TTC6: variants seen among roughly 807,000 people sequenced by gnomAD.
TTC6 encodes tetratricopeptide repeat domain 6.
A neutral mutation model predicts 210.4 loss-of-function variants in TTC6; 172 were observed. The ratio of observed to expected loss-of-function variants is 0.82; its 90% confidence interval spans 0.72 to 0.93. TTC6 has a LOEUF of 0.93. Ranked by LOEUF, TTC6 falls within the 40% of genes least tolerant of loss-of-function variation. The pLI, the probability that TTC6 is intolerant of heterozygous loss-of-function variation, is 0.00. For missense variants in TTC6, 2,414 were observed against 2,318.1 expected (o/e 1.04, Z -0.85); for synonymous variants, 804 against 819.6 (o/e 0.98, Z 0.32).
intron 14 of TTC6, among the ~76,000 whole-genome samples, chr14:37,786,293 C>T (rs942734790): frequency 3.3e-5 from 5 of 152,308 alleles, no homozygotes; most frequent in East Asian, 3.9e-4. Context: ...GTTTCCCAGC[C>T]GCTTTGTTTA....
chr14:37,769,833 G>C (rs1210682453), intron 14 of TTC6, among the ~76,000 whole-genome samples: 1 of 151,826 alleles, frequency 6.6e-6, no homozygotes, highest in East Asian at 1.9e-4. Flanking sequence ...GTTATTTCTT[G>C]CCTTCTGCTA....
intron 26 of TTC6, among the ~76,000 whole-genome samples, chr14:37,820,900 C>T (rs1213163261): frequency 6.6e-6 from 1 of 150,876 alleles, no homozygotes; most frequent in East Asian, 1.9e-4. Context: ...CCTCCTTCTC[C>T]TCCTTCTCCT....
chr14:37,646,426 G>C (rs531828177), intron 1 of TTC6, among the ~76,000 whole-genome samples: 79 of 152,094 alleles, frequency 5.2e-4, no homozygotes, highest in African/African-American at 1.7e-3. Flanking sequence ...AAAGACCTTG[G>C]AAGACATATC....
In TTC6 at chr14:37,606,642, C is replaced by T. The variant is rs770796889; in HGVS notation, c.-234-21C>T. Reference sequence around the variant, plus strand: ...CTCTTGTTAGTTCCCTTTAATCCCACCTTCAAATTTTTTTCCCTAGGAAAA... The same window carrying T: ...CTCTTGTTAGTTCCCTTTAATCCCATCTTCAAATTTTTTTCCCTAGGAAAA... On this transcript the variant is annotated intron_variant, in intron 1 of 2. Transcript: ENST00000556845. 5.0e-6 allele frequency: 4 copies of T among 802,658 alleles called. 1 individual carries two copies. The highest frequency in any genetic ancestry group is 3.7e-5 in the African/African-American group (2 of 53,616). The allele number at this position is 802,658 out of a possible 1,614,324, so 49.7% of individuals were successfully genotyped here.
chr14:37,759,194 C>T (rs746264382), intron 14 of TTC6, among the ~76,000 whole-genome samples: 76 of 146,096 alleles, frequency 5.2e-4, no homozygotes, highest in Non-Finnish European at 4.5e-4. Flanking sequence ...ACCTGGGAGG[C>T]GGAGGTTGCA....
chr14:37,808,702 C>A, intron 23 of TTC6, 31 bp from the exon 26 acceptor site: 1 of 1,123,006 alleles, frequency 8.9e-7, no homozygotes, highest in South Asian at 1.6e-5. Context: ...TATGATTTTC[C>A]TTTCTCACAT....
At chr14:37,735,496 A>T (rs914484301) in intron 7 of TTC6, among the ~76,000 whole-genome samples, 2 of 152,176 alleles carry the variant, frequency 1.3e-5, no homozygotes, top group Admixed American at 6.5e-5. Context: ...CTTAAGGCAA[A>T]TTTCATTCCA....
chr14:37,812,214 C>A, intron 24 of TTC6, 100 bp from the exon 27 acceptor site: 2 of 1,219,786 alleles, frequency 1.6e-6, no homozygotes, highest in Non-Finnish European at 2.3e-6. Context: ...AATTGAAGAA[C>A]TAACCATTGG....
At chr14:37,626,530 A>T (rs1170554685) in intron 1 of TTC6, among the ~76,000 whole-genome samples, 1 of 152,188 alleles carries the variant, frequency 6.6e-6, no homozygotes, top group Non-Finnish European at 1.5e-5. Context: ...TCTTCCTGCT[A>T]AGTAAAACTA....
chr14:37,614,287 C>T (rs150039502), intron 2 of TTC6, among the ~76,000 whole-genome samples: 1 of 152,218 alleles, frequency 6.6e-6, no homozygotes, highest in Non-Finnish European at 1.5e-5. Context: ...AATATACCTT[C>T]TTAACATTTC....
At chr14:37,835,655 A>G (rs1595337384) in intron 29 of TTC6, among the ~76,000 whole-genome samples, 1 of 152,194 alleles carries the variant, frequency 6.6e-6, no homozygotes, top group Non-Finnish European at 1.5e-5. Flanking sequence ...GTGAACGGTG[A>G]AGAAAGAAAG....
chr14:37,603,153 T>C (rs1253690366), intron 1 of TTC6, among the ~76,000 whole-genome samples: 1 of 152,150 alleles, frequency 6.6e-6, no homozygotes, highest in Non-Finnish European at 1.5e-5. Context: ...GATGCGGACC[T>C]GGCGTTAGGA....
rs761125230 is a variant in TTC6 at position 37,701,384 on chromosome 14, C to T, written c.1429C>T (p.Pro477Ser). The T allele has an allele frequency of 2.0e-6, 3 of 1,526,532 alleles. No individual in the cohort carries two copies. In the Admixed American group the frequency reaches 6.2e-5, roughly 31 times the overall value. The allele number at this position is 1,526,532 out of a possible 1,614,324, so 94.6% of individuals were successfully genotyped here. ...CCTTCATGATCTGTGCACCACCATC[C>T]CAGCCCAGGAGCTGCCTGTTGACTT... Residue 477 changes from proline to serine, a missense_variant, in exon 5 of 31, where the codon CCA becomes TCA. Pro to Ser is a moderately conservative substitution (Grantham distance 74). Coordinates refer to ENST00000553443, the Ensembl canonical transcript of TTC6.
At chr14:37,669,301 A>C (rs1400100418) in intron 1 of TTC6, among the ~76,000 whole-genome samples, 1 of 152,186 alleles carries the variant, frequency 6.6e-6, no homozygotes, top group African/African-American at 2.4e-5. Flanking sequence ...TGAGGGAGCC[A>C]ATGTGAAGAT....
intron 10 of TTC6, among the ~76,000 whole-genome samples, chr14:37,739,405 C>T (rs1171822896): frequency 6.6e-6 from 1 of 151,448 alleles, no homozygotes; most frequent in Non-Finnish European, 1.5e-5. Flanking sequence ...GGTGAAACCC[C>T]TCTCTACCAA....
At chr14:37,737,817 G>A in intron 9 of TTC6, 83 bp downstream of exon 11, 7 of 533,568 alleles carry the variant, frequency 1.3e-5, no homozygotes, top group South Asian at 2.6e-5. Context: ...TTTTTTAAAA[G>A]CATCTACTTC....
intron 1 of TTC6, among the ~76,000 whole-genome samples, chr14:37,675,645 A>T (rs1417970202): frequency 6.6e-6 from 1 of 151,932 alleles, no homozygotes; most frequent in East Asian, 1.9e-4. Flanking sequence ...TTGAGGAACC[A>T]CCAAACCTTT....
At chr14:37,818,646 G>T (rs1487310985) in intron 26 of TTC6, among the ~76,000 whole-genome samples, 2 of 149,072 alleles carry the variant, frequency 1.3e-5, no homozygotes, top group South Asian at 2.1e-4. Flanking sequence ...TCCTATGAAA[G>T]TTTTTTTTTT....
intron 15 of TTC6, among the ~76,000 whole-genome samples, chr14:37,789,434 T>C (rs1386768425): frequency 6.6e-6 from 1 of 151,890 alleles, no homozygotes; most frequent in African/African-American, 2.4e-5. Flanking sequence ...TTAGATTTTC[T>C]TCAAGTGATA....
Sources: gnomAD v4.1 joint callset for allele counts (sites outside exome capture counted in the v4.1 genomes callset) on GRCh38, gnomAD v4.1.1 for gene constraint, MANE v1.5 for transcripts, NCBI Gene and HGNC (gene_info 2026-07-23, HGNC 2026-07-21) for gene names.